The following DNM3 variants were observed in gnomAD, a reference collection of about 807,000 sequenced individuals.
DNM3 encodes the protein dynamin-3.
Under a neutral mutation model 101.6 loss-of-function variants are expected in DNM3, and 47 were observed. The ratio of observed to expected loss-of-function variants is 0.46; its 90% confidence interval spans 0.37 to 0.59. The LOEUF is 0.59. Among genes scored for constraint, DNM3 ranks in the 20% least tolerant of loss-of-function variants. The pLI is 0.00. For missense variants in DNM3, 849 were observed against 1,085.7 expected, an observed-to-expected ratio of 0.78 and a Z score of 3.06; for synonymous variants, 385 against 387.9, an observed-to-expected ratio of 0.99 and a Z score of 0.09.
chr1:171,989,120 G>A lies in DNM3; in HGVS notation c.561G>A (p.Leu187=). Reference sequence around the variant, plus strand: ...CTGATCTTGCAAACTCAGATGCGCTGAAGCTAGCTAAAGAAGTTGATCCTC... The same window carrying A: ...CTGATCTTGCAAACTCAGATGCGCTAAAGCTAGCTAAAGAAGTTGATCCTC... The part of the protein sequence containing the change: ...ANTDLANSDA[L]KLAKEVDPQG... Residue 187 remains leucine (L), a synonymous_variant, in exon 4 of 21, where the codon CTG becomes CTA. Transcript: ENST00000627582. The A allele has an allele frequency of 6.2e-7, 1 of 1,612,984 alleles. No individual in the cohort carries two copies. The highest frequency in any genetic ancestry group is 1.1e-5 in the South Asian group (1 of 90,930).
At chr1:172,359,958 A>G (rs1473723470) in intron 17 of DNM3, among the ~76,000 whole-genome samples, 2 of 151,952 alleles carry the variant, frequency 1.3e-5, no homozygotes, top group Non-Finnish European at 2.9e-5. Context: ...AAAACACAAG[A>G]CTTTCCTATA....
At chr1:171,924,784 A>C (rs1453190572) in intron 2 of DNM3, among the ~76,000 whole-genome samples, 1 of 152,146 alleles carries the variant, frequency 6.6e-6, no homozygotes, top group African/African-American at 2.4e-5. Flanking sequence ...ATCTTATTGT[A>C]GTTTTGATCC....
At chr1:171,986,703 T>C (rs1412483207) in intron 2 of DNM3, among the ~76,000 whole-genome samples, 1 of 151,448 alleles carries the variant, frequency 6.6e-6, no homozygotes, top group Non-Finnish European at 1.5e-5. Context: ...TGATCACAGC[T>C]CACTGCAGCC....
intron 15 of DNM3, among the ~76,000 whole-genome samples, chr1:172,272,411 A>G (rs2063123292): frequency 6.6e-6 from 1 of 152,190 alleles, no homozygotes; most frequent in Admixed American, 6.6e-5. Context: ...AGTGAAGGCT[A>G]CAATGACCAT....
intron 11 of DNM3, among the ~76,000 whole-genome samples, chr1:172,076,952 T>G (rs1190760616): frequency 6.6e-6 from 1 of 152,186 alleles, no homozygotes; most frequent in Admixed American, 6.5e-5. Flanking sequence ...TCCTGGGCTT[T>G]TTTTGGTTGG....
At chr1:171,879,657 G>T (rs1288657826) in intron 1 of DNM3, among the ~76,000 whole-genome samples, 1 of 152,180 alleles carries the variant, frequency 6.6e-6, no homozygotes, top group Non-Finnish European at 1.5e-5. Context: ...AGTGGACTGC[G>T]TGCCAGGGGC....
intron 17 of DNM3, among the ~76,000 whole-genome samples, chr1:172,323,885 G>C (rs1262054354): frequency 6.6e-6 from 1 of 152,152 alleles, no homozygotes; most frequent in Non-Finnish European, 1.5e-5. Flanking sequence ...CTGTGCCCTT[G>C]ATGTCTTCCA....
intron 11 of DNM3, among the ~76,000 whole-genome samples, chr1:172,077,059 C>T (rs188064233): frequency 1.3e-5 from 2 of 151,964 alleles, no homozygotes; most frequent in Admixed American, 6.6e-5. Flanking sequence ...TGTATGTATC[C>T]AGGAATTTAT....
intron 2 of DNM3, among the ~76,000 whole-genome samples, chr1:171,962,620 T>C (rs556271308): frequency 1.3e-5 from 2 of 152,268 alleles, no homozygotes; most frequent in East Asian, 3.9e-4. Context: ...CATGACCTCA[T>C]GTGGTAGAGA....
intron 17 of DNM3, among the ~76,000 whole-genome samples, chr1:172,350,122 A>G (rs2067129702): frequency 6.6e-6 from 1 of 152,204 alleles, no homozygotes; most frequent in Non-Finnish European, 1.5e-5. Flanking sequence ...TGATAAGCCT[A>G]CTAGGCATAT....
At chr1:172,137,876 A>T (rs1049280255) in intron 14 of DNM3, 1 of 152,170 alleles carries the variant, frequency 6.6e-6, no homozygotes, top group African/African-American at 2.4e-5. Flanking sequence ...AACAGTGCAT[A>T]AACTGAAGTT....
chr1:172,118,123 A>AAGGT (rs1318444391), intron 13 of DNM3, among the ~76,000 whole-genome samples: 4 of 152,198 alleles, frequency 2.6e-5, no homozygotes, highest in Non-Finnish European at 4.4e-5. Flanking sequence ...GTGAGGAAGG[A>AAGGT]AGGTCCTTGA....
At chr1:172,395,575 C>T (rs1432323977) in intron 20 of DNM3, among the ~76,000 whole-genome samples, 2 of 152,182 alleles carry the variant, frequency 1.3e-5, no homozygotes, top group Non-Finnish European at 2.9e-5. Flanking sequence ...CAGAAACATG[C>T]CTTAAATGCC....
At chr1:172,090,370 C>A (rs1179594056) in intron 12 of DNM3, among the ~76,000 whole-genome samples, 1 of 152,134 alleles carries the variant, frequency 6.6e-6, no homozygotes, top group African/African-American at 2.4e-5. Context: ...TAGGAGAGTG[C>A]TACTCAAGAC....
chr1:172,201,198 G>T (rs2060140402), intron 14 of DNM3, among the ~76,000 whole-genome samples: 1 of 152,110 alleles, frequency 6.6e-6, no homozygotes, highest in South Asian at 2.1e-4. Context: ...TAGGCTTATT[G>T]GTCAGTTGGT....
chr1:172,133,606 A>T (rs1363570884), intron 14 of DNM3, among the ~76,000 whole-genome samples: 2 of 152,200 alleles, frequency 1.3e-5, no homozygotes, highest in Admixed American at 1.3e-4. Flanking sequence ...ACAAGCAAAT[A>T]GACTAGTAAT....
intron 14 of DNM3, among the ~76,000 whole-genome samples, chr1:172,154,147 G>C (rs929907339): frequency 2.0e-5 from 3 of 151,978 alleles, no homozygotes; most frequent in Admixed American, 6.6e-5. Flanking sequence ...TAGTTTCTAG[G>C]TATGCTCTAC....
At position 172,032,443 on chromosome 1, in the gene DNM3, G is replaced by A. The variant is rs754268755; in HGVS notation, c.631G>A (p.Asp211Asn). 1 of 1,611,074 alleles carries A rather than the reference G, an allele frequency of 6.2e-7. No homozygotes were observed. The highest frequency in any genetic ancestry group is 8.5e-7 in the Non-Finnish European group (1 of 1,178,210). Residue 211 changes from aspartate to asparagine, a missense_variant, in exon 5 of 21, where the codon GAT becomes AAT. Asp to Asn is a conservative substitution (Grantham distance 23). Around this residue, in one of 5 missense-constraint regions of DNM3, gnomAD observed 388 missense variants for 483.0 expected, o/e 0.80. Transcript: ENST00000627582. Reference protein sequence around the residue: ...IGVITKLDLMDEGTDARDVLE... With the variant: ...IGVITKLDLMNEGTDARDVLE... The stretch of plus-strand genomic sequence containing the variant: ...AGTTATCACCAAACTGGACCTTATG[G>A]ATGAAGGAACGGATGCCAGGGATGT...
chr1:172,171,769 G>A (rs572110561), intron 14 of DNM3, among the ~76,000 whole-genome samples: 15 of 151,782 alleles, frequency 9.9e-5, no homozygotes, highest in South Asian at 4.2e-4. Context: ...AATACTTACC[G>A]TGTGGTTATC....
Sources: allele counts gnomAD v4.1 joint callset (sites outside exome capture counted in the v4.1 genomes callset), GRCh38; gene constraint gnomAD v4.1.1; regional missense constraint gnomAD v4.1.1; transcripts MANE v1.5; gene names NCBI Gene and HGNC (gene_info 2026-07-23, HGNC 2026-07-21).